Variants in LINGO2 observed in about 807,000 individuals in gnomAD.
LINGO2 encodes the protein leucine rich repeat and Ig domain containing 2.
LINGO2 carries 14 observed loss-of-function variants against 30.6 expected under a neutral mutation model. That is an observed-to-expected ratio of 0.46 (90% CI 0.30 to 0.72). LINGO2 has a LOEUF of 0.72. Ranked by LOEUF, LINGO2 falls within the 30% of genes least tolerant of loss-of-function variation. The probability of loss-of-function intolerance (pLI) is 0.07; values close to 1 mark genes in which losing one functional copy is unlikely to be tolerated. For missense variants in LINGO2, 729 were observed against 751.7 expected, an observed-to-expected ratio of 0.97 and a Z score of 0.35; for synonymous variants, 317 against 288.5, an observed-to-expected ratio of 1.10 and a Z score of -1.00.
At chr9:28,185,076 A>G (rs932973739) in intron 4 of LINGO2, among the ~76,000 whole-genome samples, 3 of 152,178 alleles carry the variant, frequency 2.0e-5, no homozygotes, top group African/African-American at 7.2e-5. Flanking sequence ...GCTACACTGA[A>G]ATTGCACATA....
chr9:28,447,242 C>A (rs1182165862), intron 2 of LINGO2, among the ~76,000 whole-genome samples: 2 of 152,146 alleles, frequency 1.3e-5, no homozygotes, highest in Admixed American at 1.3e-4. Flanking sequence ...GAAACCCAAT[C>A]TCTAATGCAA....
At chr9:28,729,008 T>C in the LINGO2 span, among the ~76,000 whole-genome samples, 1 of 152,114 alleles carries the variant, frequency 6.6e-6, no homozygotes, top group Non-Finnish European at 1.5e-5. Context: ...TCTTTAAAGT[T>C]TGTTCTCTGG....
the LINGO2 span, among the ~76,000 whole-genome samples, chr9:28,786,441 A>G: frequency 6.6e-6 from 1 of 152,182 alleles, no homozygotes; most frequent in African/African-American, 2.4e-5. Flanking sequence ...TTTTCCTAGC[A>G]TATAAATATG....
At chr9:28,569,847 G>T (rs920657011) in intron 1 of LINGO2, among the ~76,000 whole-genome samples, 2 of 151,926 alleles carry the variant, frequency 1.3e-5, no homozygotes, top group Non-Finnish European at 2.9e-5. Flanking sequence ...AAGCTTGATT[G>T]TGGTAATCAT....
the LINGO2 span, among the ~76,000 whole-genome samples, chr9:28,959,080 T>C: frequency 6.6e-6 from 1 of 152,112 alleles, no homozygotes; most frequent in Non-Finnish European, 1.5e-5. Flanking sequence ...CATGTGTAAG[T>C]GCCTGTCACC....
chr9:27,981,317 A>G (rs1432962778), intron 5 of LINGO2, among the ~76,000 whole-genome samples: 1 of 151,624 alleles, frequency 6.6e-6, no homozygotes, highest in Non-Finnish European at 1.5e-5. Flanking sequence ...ATTTACAGAT[A>G]AGAAAATCGA....
At chr9:28,135,091 A>G (rs975535384) in intron 4 of LINGO2, among the ~76,000 whole-genome samples, 9 of 152,248 alleles carry the variant, frequency 5.9e-5, no homozygotes, top group African/African-American at 1.9e-4. Context: ...AAGAAATAGC[A>G]TGGTTGTACT....
chr9:28,189,258 A>C (rs1819661820), intron 4 of LINGO2, among the ~76,000 whole-genome samples: 1 of 117,434 alleles, frequency 8.5e-6, no homozygotes, highest in Non-Finnish European at 1.8e-5. Flanking sequence ...GAAGGGAGGA[A>C]GGAAGGGAGG....
chr9:28,392,391 C>T (rs991772458), intron 2 of LINGO2, among the ~76,000 whole-genome samples: 9 of 152,142 alleles, frequency 5.9e-5, no homozygotes, highest in African/African-American at 1.9e-4. Context: ...CTGTGCTATT[C>T]ACTAGCTGTT....
chr9:28,674,920 C>T (rs571785939), upstream of LINGO2, among the ~76,000 whole-genome samples: 1 of 152,034 alleles, frequency 6.6e-6, no homozygotes, highest in Admixed American at 6.6e-5. Flanking sequence ...AGAATGTGAC[C>T]TACAGAAATG....
chr9:28,451,038 C>T (rs973187789), intron 2 of LINGO2, among the ~76,000 whole-genome samples: 14 of 151,872 alleles, frequency 9.2e-5, no homozygotes, highest in Admixed American at 8.5e-4. Flanking sequence ...TAAAAGACTA[C>T]AATTGTATCT....
intron 1 of LINGO2, among the ~76,000 whole-genome samples, chr9:28,560,529 T>C (rs1822990073): frequency 6.6e-6 from 1 of 152,128 alleles, no homozygotes; most frequent in Admixed American, 6.5e-5. Context: ...TATATACGTA[T>C]ACACATCCTA....
intron 4 of LINGO2, among the ~76,000 whole-genome samples, chr9:28,025,608 G>T (rs1034790304): frequency 6.6e-6 from 1 of 152,098 alleles, no homozygotes; most frequent in Non-Finnish European, 1.5e-5. Flanking sequence ...AGGTGTGAAT[G>T]GGCATGAAAG....
the LINGO2 span, among the ~76,000 whole-genome samples, chr9:28,887,134 A>G: frequency 6.6e-6 from 1 of 152,172 alleles, no homozygotes; most frequent in Non-Finnish European, 1.5e-5. Context: ...ACAAAGAGCT[A>G]TACAAACACG....
At position 28,353,684 on chromosome 9, in the gene LINGO2, C is replaced by G. The variant is rs538013822; in HGVS notation, c.-246+19152G>C. The stretch of plus-strand genomic sequence containing the variant: ...ACCCAGAGGACTATAAATCATGCTG[C>G]TATAAAGACACATGCACACGTATGT... On this transcript the variant is annotated intron_variant, in intron 3 of 5. Transcript: ENST00000379992. Among the ~76,000 whole-genome samples the G allele has an allele frequency of 7.8e-3, 1,195 of 152,246 alleles. 12 individuals are homozygous for G. The highest frequency in any genetic ancestry group is 0.015 in the Admixed American group (227 of 15,288).
intron 4 of LINGO2, among the ~76,000 whole-genome samples, chr9:28,043,713 C>T (rs1483213384): frequency 6.6e-6 from 1 of 152,126 alleles, no homozygotes; most frequent in African/African-American, 2.4e-5. Flanking sequence ...TCATCTACCA[C>T]CTTTCTTGTC....
At chr9:28,397,348 T>C (rs1822086726) in intron 2 of LINGO2, among the ~76,000 whole-genome samples, 1 of 109,382 alleles carries the variant, frequency 9.1e-6, no homozygotes, top group African/African-American at 3.4e-5. Flanking sequence ...TGACATGATG[T>C]TTTGAAGTAT....
chr9:29,104,352 C>A, the LINGO2 span, among the ~76,000 whole-genome samples: 3 of 151,964 alleles, frequency 2.0e-5, no homozygotes, highest in African/African-American at 7.3e-5. Context: ...TGTAGCACTT[C>A]CCCTTTCACT....
At chr9:28,844,423 T>C in the LINGO2 span, among the ~76,000 whole-genome samples, 2 of 151,860 alleles carry the variant, frequency 1.3e-5, no homozygotes, top group Non-Finnish European at 2.9e-5. Context: ...TAATCCAATA[T>C]GAGCACAGTG....
Sources: gnomAD v4.1 joint callset for allele counts (sites outside exome capture counted in the v4.1 genomes callset) on GRCh38, gnomAD v4.1.1 for gene constraint, MANE v1.5 for transcripts, NCBI Gene and HGNC (gene_info 2026-07-23, HGNC 2026-07-21) for gene names.